The following PDCD4 variants were observed in gnomAD, a reference collection of about 807,000 sequenced individuals.
PDCD4 encodes programmed cell death 4.
Under a neutral mutation model 54.0 loss-of-function variants are expected in PDCD4, and 56 were observed. That is an observed-to-expected ratio of 1.04 (90% confidence interval 0.84 to 1.30). The LOEUF (loss-of-function observed/expected upper bound fraction) is 1.30, where lower values mean the gene tolerates loss of function less well. PDCD4 is among the 50% of genes most tolerant of loss of function. PDCD4 has a pLI of 0.00. For missense variants in PDCD4, 584 were observed against 559.8 expected (o/e 1.04, Z -0.44); for synonymous variants, 186 against 194.8 (o/e 0.95, Z 0.37).
chr10:110,895,666 C>T (rs1590738678), intron 10 of PDCD4, among the ~76,000 whole-genome samples: 1 of 152,178 alleles, frequency 6.6e-6, no homozygotes, highest in Admixed American at 6.5e-5. Context: ...CCACTTTCTA[C>T]AGGGGCTGAA....
At chr10:110,893,982 T>G in intron 8 of PDCD4, 109 bp from the exon 9 acceptor site, 1 of 643,176 alleles carries the variant, frequency 1.6e-6, no homozygotes, top group Middle Eastern at 4.3e-4. Context: ...ATTAGCTGTT[T>G]GTTACCCACT....
At chr10:110,881,108 G>T in intron 2 of PDCD4, 125 bp from the exon 3 acceptor site, 1 of 649,092 alleles carries the variant, frequency 1.5e-6, no homozygotes, top group Non-Finnish European at 2.7e-6. Flanking sequence ...CCCAATATGT[G>T]ACTGTAATTT....
rs964166796 is a variant in PDCD4, at chr10:110,876,671, G to C, written c.43+601G>C. The C allele has an allele frequency of 4.2e-5, 45 of 1,078,634 alleles. No homozygotes were observed. In the South Asian group the frequency reaches 1.2e-3, roughly 29 times the overall value. 66.8% of individuals were successfully genotyped at this position (1,078,634 alleles called of 1,614,324 possible). A position where few individuals can be genotyped will look rare whatever the true frequency, so the allele number is the denominator to read the frequency against. ...ATTTTTATATTCTAAATTACCTAGGGTATTTTCCCTAATTCTCCATGGTGC... is the reference window on the plus strand; with the variant it reads ...ATTTTTATATTCTAAATTACCTAGGCTATTTTCCCTAATTCTCCATGGTGC... On this transcript the variant is annotated intron_variant, in intron 2 of 11. Transcript: ENST00000280154.
chr10:110,874,731 C>G (rs561861652), intron 1 of PDCD4, among the ~76,000 whole-genome samples: 1 of 152,052 alleles, frequency 6.6e-6, no homozygotes, highest in African/African-American at 2.4e-5. Context: ...TTTTGTTTCA[C>G]AAAATAATAC....
chr10:110,890,649 T>C lies in PDCD4; in HGVS notation c.969T>C (p.Ser323=). 1 of 1,608,054 alleles carries C rather than the reference T, an allele frequency of 6.2e-7. No homozygotes were observed. Among genetic ancestry groups the C allele is most frequent in the Non-Finnish European group, 8.5e-7 (1 of 1,174,804 alleles). ...GGGGCTCTGGAGGTGGGCAGCAATCTGTCAATCACCTTGTTAAAGAGGTAA... is the reference window on the plus strand; with the variant it reads ...GGGGCTCTGGAGGTGGGCAGCAATCCGTCAATCACCTTGTTAAAGAGGTAA... ...SVWGSGGGQQ[S]VNHLVKEIDM... is the part of the protein sequence containing the mutation. The change falls in exon 8 of 12, where the codon TCT becomes TCC. Residue 323 remains serine (S), a synonymous_variant. Coordinates refer to ENST00000280154, the MANE Select transcript of PDCD4 (RefSeq NM_014456.5).
chr10:110,885,103 T>C (rs1845649500), intron 4 of PDCD4, 150 bp from the exon 5 acceptor site: 1 of 489,440 alleles, frequency 2.0e-6, no homozygotes, highest in East Asian at 3.4e-5. Flanking sequence ...GCCTAGATTC[T>C]ATTTTTATAT....
At chr10:110,896,467 C>T (rs1039831697) in intron 11 of PDCD4, among the ~76,000 whole-genome samples, 1 of 152,120 alleles carries the variant, frequency 6.6e-6, no homozygotes, top group Admixed American at 6.6e-5. Flanking sequence ...TTTCTGGCTT[C>T]AAAGATCTAG....
At chr10:110,873,039 C>T (rs1229400651) in intron 1 of PDCD4, among the ~76,000 whole-genome samples, 1 of 152,178 alleles carries the variant, frequency 6.6e-6, no homozygotes, top group African/African-American at 2.4e-5. Context: ...TTAATTGTTA[C>T]AATCTTGATA....
intron 6 of PDCD4, 93 bp downstream of exon 6, chr10:110,887,979 G>A: frequency 1.4e-6 from 1 of 740,356 alleles, no homozygotes. Context: ...TTAGTAGATG[G>A]AAGGGGATGG....
rs1405103834 is a variant in PDCD4 at position 110,885,306 on chromosome 10, G to A, written c.495G>A (p.Glu165=). The change falls in exon 5 of 12, where the codon GAG becomes GAA. Residue 165 remains glutamate (E), a synonymous_variant. Coordinates refer to ENST00000280154, the MANE Select transcript of PDCD4 (RefSeq NM_014456.5). ...VVLPLDERAF[E]KTLTPIIQEY... ...TGCCTTTGGATGAAAGGGCATTTGA[G>A]AAGACTTTAACACCAATCATACAGG... 1.2e-6 allele frequency: 2 copies of A among 1,603,372 alleles called. No homozygotes were observed. Among genetic ancestry groups the A allele is most frequent in the South Asian group, 2.2e-5 (2 of 90,528 alleles).
chr10:110,882,418 T>G (rs1845606263), intron 3 of PDCD4, among the ~76,000 whole-genome samples: 1 of 152,226 alleles, frequency 6.6e-6, no homozygotes, highest in Admixed American at 6.5e-5. Flanking sequence ...TTCTTTTGGT[T>G]GTTTTGTATT....
intron 2 of PDCD4, among the ~76,000 whole-genome samples, chr10:110,877,784 A>C (rs1170914148): frequency 6.6e-6 from 1 of 151,946 alleles, no homozygotes; most frequent in Non-Finnish European, 1.5e-5. Flanking sequence ...TCACACTCTT[A>C]CTCTTTTACT....
In PDCD4 at chr10:110,881,540, GTA is replaced by G. The variant is rs1564681228; in HGVS notation, c.346+11_346+12del. 1 of 1,593,492 alleles carries G rather than the reference GTA, an allele frequency of 6.3e-7. No individual in the cohort carries two copies. Among genetic ancestry groups the G allele is most frequent in the South Asian group, 1.1e-5 (1 of 88,940 alleles). The stretch of plus-strand genomic sequence containing the variant: ...GAAGGGGACTACCAAAGAAAGGTTG[GTA>G]TATATCATGTCCAACAAATGGAAGA... On this transcript the variant is annotated splice_donor_region_variant and intron_variant, in intron 3 of 11. Transcript: ENST00000280154.
chr10:110,879,959 C>T (rs1590728705), intron 2 of PDCD4, among the ~76,000 whole-genome samples: 1 of 152,208 alleles, frequency 6.6e-6, no homozygotes, highest in African/African-American at 2.4e-5. Flanking sequence ...AGCCCATGCA[C>T]ATAGACCTGA....
rs144787375 is a variant in PDCD4 at position 110,894,436 on chromosome 10, A to G, written c.1123A>G (p.Thr375Ala). Residue 375 changes from threonine (T) to alanine (A), a missense_variant, in exon 10 of 12, where the codon ACT becomes GCT. Transcript: ENST00000280154. Reference sequence around the variant, plus strand: ...GGCTATTATAATGGTTTTAGAGTCAACTGGAGAAAGTACATTTAAGATGAT... The same window carrying G: ...GGCTATTATAATGGTTTTAGAGTCAGCTGGAGAAAGTACATTTAAGATGAT... The part of the protein sequence containing the change: ...YEAIIMVLES[T>A]GESTFKMILD... 9.6e-6 allele frequency: 15 copies of G among 1,570,300 alleles called. No homozygotes were observed. In the African/African-American group the frequency reaches 1.8e-4, roughly 18 times the overall value.
intron 10 of PDCD4, among the ~76,000 whole-genome samples, chr10:110,894,955 G>A (rs1222774261): frequency 6.6e-6 from 1 of 151,978 alleles, no homozygotes; most frequent in South Asian, 2.1e-4. Flanking sequence ...AGTGTAAATA[G>A]AGAAGTAGAT....
intron 2 of PDCD4, among the ~76,000 whole-genome samples, chr10:110,876,965 C>T (rs1328990768): frequency 6.6e-6 from 1 of 152,138 alleles, no homozygotes; most frequent in Non-Finnish European, 1.5e-5. Flanking sequence ...TTTCTTTCCT[C>T]AGTGACTTAA....
intron 1 of PDCD4, among the ~76,000 whole-genome samples, chr10:110,873,361 C>T (rs1447468762): frequency 6.6e-6 from 1 of 152,154 alleles, no homozygotes; most frequent in East Asian, 1.9e-4. Context: ...TACAAGTAAT[C>T]CTAGTTAATA....
At chr10:110,882,584 T>G (rs1452327799) in intron 3 of PDCD4, among the ~76,000 whole-genome samples, 1 of 152,338 alleles carries the variant, frequency 6.6e-6, no homozygotes, top group East Asian at 1.9e-4. Context: ...GTTACTGTCC[T>G]TTTTTGTTAA....
Sources: allele counts gnomAD v4.1 joint callset (sites outside exome capture counted in the v4.1 genomes callset), GRCh38; gene constraint gnomAD v4.1.1; transcripts MANE v1.5; gene names NCBI Gene and HGNC (gene_info 2026-07-23, HGNC 2026-07-21).